The following SMG7 variants were observed in gnomAD, a reference collection of about 807,000 sequenced individuals.
SMG7 encodes the protein SMG7 nonsense mediated mRNA decay factor, also known as nonsense-mediated mRNA decay factor SMG7.
In SMG7, 34 loss-of-function variants were observed where a neutral mutation model predicts 148.2. That is an observed-to-expected ratio of 0.23 (90% CI 0.17 to 0.31). The LOEUF (loss-of-function observed/expected upper bound fraction) is 0.31, where lower values mean the gene tolerates loss of function less well. SMG7 is among the 10% of genes least tolerant of loss of function. The probability of loss-of-function intolerance (pLI) is 1.00; values close to 1 mark genes in which losing one functional copy is unlikely to be tolerated. For missense variants in SMG7, 1,114 were observed against 1,408.4 expected, an observed-to-expected ratio of 0.79 and a Z score of 3.35; for synonymous variants, 492 against 515.1, an observed-to-expected ratio of 0.96 and a Z score of 0.61.
At chr1:183,473,869 G>A (rs772086136) in intron 1 of SMG7, 93 of 985,314 alleles carry the variant, frequency 9.4e-5, no homozygotes, top group Non-Finnish European at 1.1e-4. Flanking sequence ...GTATTGACGT[G>A]TGTGGATCCC....
At chr1:183,498,411 T>A (rs764206659) in intron 1 of SMG7, among the ~76,000 whole-genome samples, 1 of 152,144 alleles carries the variant, frequency 6.6e-6, no homozygotes, top group Non-Finnish European at 1.5e-5. Context: ...TGCCTCTAGT[T>A]GCAGCTACTT....
chr1:183,540,303 G>A (rs965099990), intron 12 of SMG7, among the ~76,000 whole-genome samples: 4 of 151,768 alleles, frequency 2.6e-5, no homozygotes, highest in African/African-American at 9.7e-5. Flanking sequence ...TCTTTACATA[G>A]TTCTTATTAT....
At chr1:183,532,254 C>T in intron 8 of SMG7, among the ~76,000 whole-genome samples, 1 of 152,124 alleles carries the variant, frequency 6.6e-6, no homozygotes, top group East Asian at 1.9e-4. Flanking sequence ...CTGTTTTCCG[C>T]CATAATGCTA....
intron 4 of SMG7, among the ~76,000 whole-genome samples, chr1:183,521,366 C>T (rs961003445): frequency 7.9e-5 from 12 of 152,158 alleles, no homozygotes; most frequent in Admixed American, 5.9e-4. Context: ...CCCCTAAGTG[C>T]TGGGATTACA....
At chr1:183,519,669 A>G (rs779684631) in intron 4 of SMG7, among the ~76,000 whole-genome samples, 44 of 152,146 alleles carry the variant, frequency 2.9e-4, no homozygotes, top group Admixed American at 9.2e-4. Flanking sequence ...TAATCCTCCC[A>G]TTCTGGATAA....
chr1:183,481,543 A>G (rs1654114170), intron 1 of SMG7, among the ~76,000 whole-genome samples: 1 of 152,206 alleles, frequency 6.6e-6, no homozygotes, highest in Non-Finnish European at 1.5e-5. Flanking sequence ...TTGGTGTTAA[A>G]TAAAATTGTC....
chr1:183,539,141 G>A (rs974783639), intron 12 of SMG7, among the ~76,000 whole-genome samples: 18 of 151,872 alleles, frequency 1.2e-4, no homozygotes, highest in African/African-American at 4.4e-4. Flanking sequence ...GACAGAGTGA[G>A]ACTCCGTCTC....
chr1:183,521,672 C>T (rs71632180), intron 4 of SMG7, among the ~76,000 whole-genome samples: 7 of 151,882 alleles, frequency 4.6e-5, no homozygotes, highest in Non-Finnish European at 7.4e-5. Context: ...TTGAGACCAG[C>T]CTGGGTAACG....
At chr1:183,542,524 A>G in intron 14 of SMG7, 22 bp downstream of exon 14, 1 of 1,586,648 alleles carries the variant, frequency 6.3e-7, no homozygotes, top group Non-Finnish European at 8.6e-7. Flanking sequence ...TTGAACTATA[A>G]AGCAGGTAGA....
At chr1:183,481,438 A>G (rs1324254682) in intron 1 of SMG7, among the ~76,000 whole-genome samples, 1 of 152,116 alleles carries the variant, frequency 6.6e-6, no homozygotes, top group African/African-American at 2.4e-5. Flanking sequence ...TAATTTTGTA[A>G]TGATCTCTTT....
chr1:183,537,058 G>T, intron 10 of SMG7, 87 bp from the exon 11 acceptor site: 1 of 894,332 alleles, frequency 1.1e-6, no homozygotes, highest in South Asian at 1.3e-5. Context: ...TAAAGTCCAG[G>T]ACCTATAGAT....
chr1:183,528,547 A>G (rs913036343), intron 6 of SMG7, among the ~76,000 whole-genome samples: 2 of 152,182 alleles, frequency 1.3e-5, no homozygotes, highest in African/African-American at 2.4e-5. Context: ...TAGTCTGACC[A>G]CACTACTTGT....
rs368323535 is a variant in SMG7 at position 183,551,982 on chromosome 1, G to A, written c.*51G>A. 1.3e-6 allele frequency: 2 copies of A among 1,597,438 alleles called. No individual in the cohort carries two copies. The highest frequency in any genetic ancestry group is 2.7e-5 in the African/African-American group (2 of 74,384). On this transcript the variant is annotated 3_prime_UTR_variant, in exon 23 of 23. Coordinates refer to ENST00000688051, the MANE Select transcript of SMG7 (RefSeq NM_001375584.1). ...AGGCTCCATAAACCATGGCATGTTG[G>A]GTTTGCAGGACTGGCCCACACAGTC...
chr1:183,551,074 T>C lies in SMG7; in HGVS notation c.3334T>C (p.Ser1112Pro), dbSNP rs906503791. 1 of 1,613,970 alleles carries C rather than the reference T, an allele frequency of 6.2e-7. No homozygotes were observed. Among genetic ancestry groups the C allele is most frequent in the South Asian group, 1.1e-5 (1 of 91,062 alleles). ...GGGTGGGTTTGGCATTGATTATCTC[T>C]CAGCAACGTCATCCTCTGAGAGCAG... ...AMGGFGIDYL[S>P]ATSSSESSWH... The change falls in exon 22 of 23, where the codon TCA (serine) becomes CCA (proline). Residue 1112 changes from serine to proline, a missense_variant. Ser to Pro is a moderately conservative substitution (Grantham distance 74). Transcript: ENST00000688051.
At chr1:183,543,259 G>A (rs899557608) in intron 14 of SMG7, among the ~76,000 whole-genome samples, 1 of 152,134 alleles carries the variant, frequency 6.6e-6, no homozygotes, top group Non-Finnish European at 1.5e-5. Context: ...AAGCAGCCAT[G>A]TGAGTTGTTA....
At position 183,552,885 on chromosome 1, in the gene SMG7, C is replaced by A; in HGVS notation, c.*954C>A. The A allele has an allele frequency of 6.8e-7, 1 of 1,463,960 alleles. No homozygotes were observed. Among genetic ancestry groups the A allele is most frequent in the Non-Finnish European group, 9.0e-7 (1 of 1,110,732 alleles). The allele number at this position is 1,463,960 out of a possible 1,614,324, so 90.7% of individuals were successfully genotyped here. On this transcript the variant is annotated 3_prime_UTR_variant, in exon 23 of 23. Transcript: ENST00000688051. ...TTGTGCCCCCATTCTACTTCCCACC[C>A]TCCTGCCCCATCTCCATCCCTTCTT...
intron 1 of SMG7, among the ~76,000 whole-genome samples, chr1:183,480,217 T>C (rs1653722503): frequency 6.6e-6 from 1 of 152,136 alleles, no homozygotes. Context: ...AATTATTCCC[T>C]TTACCGATCT....
In SMG7 at chr1:183,544,969, C is replaced by G; in HGVS notation, c.2027C>G (p.Ala676Gly). 1.2e-6 allele frequency: 2 copies of G among 1,613,910 alleles called. No individual in the cohort carries two copies. The highest frequency in any genetic ancestry group is 1.1e-5 in the South Asian group (1 of 91,078). Reference sequence around the variant, plus strand: ...ACATATGTTATCCCCCCGCCTGTGGCATTTTCTATGGGCTCAGGTTACACC... The same window carrying G: ...ACATATGTTATCCCCCCGCCTGTGGGATTTTCTATGGGCTCAGGTTACACC... The part of the protein sequence containing the change: ...PPTYVIPPPV[A>G]FSMGSGYTFP... Residue 676 changes from alanine (A) to glycine (G), a missense_variant, in exon 16 of 23, where the codon GCA becomes GGA. Transcript: ENST00000688051.
At chr1:183,539,307 G>A (rs145900120) in intron 12 of SMG7, among the ~76,000 whole-genome samples, 1 of 152,042 alleles carries the variant, frequency 6.6e-6, no homozygotes, top group Non-Finnish European at 1.5e-5. Flanking sequence ...CATTGAGTCC[G>A]TCGATTTCCT....
Sources: allele counts gnomAD v4.1 joint callset (sites outside exome capture counted in the v4.1 genomes callset), GRCh38; gene constraint gnomAD v4.1.1; transcripts MANE v1.5; gene names NCBI Gene and HGNC (gene_info 2026-07-23, HGNC 2026-07-21).